ANKRD6: variants seen among roughly 807,000 people sequenced by gnomAD.
The protein encoded by ANKRD6 is ankyrin repeat domain 6.
ANKRD6 carries 56 observed loss-of-function variants against 82.3 expected under a neutral mutation model. The observed-to-expected ratio is 0.68, with a 90% confidence interval of 0.55 to 0.85. The LOEUF is 0.85. Among genes scored for constraint, ANKRD6 ranks in the 40% least tolerant of loss-of-function variants. The pLI is 0.00. For missense variants in ANKRD6, 852 were observed against 907.6 expected, an observed-to-expected ratio of 0.94 and a Z score of 0.79; for synonymous variants, 347 against 352.1, an observed-to-expected ratio of 0.99 and a Z score of 0.16.
At chr6:89,507,958 T>TC (rs1238999462) in intron 1 of ANKRD6, among the ~76,000 whole-genome samples, 1 of 152,068 alleles carries the variant, frequency 6.6e-6, no homozygotes, top group Non-Finnish European at 1.5e-5. Flanking sequence ...CCTACACTTT[T>TC]CCCCCCAAGT....
At chr6:89,468,259 T>G (rs1775066046) in intron 1 of ANKRD6, among the ~76,000 whole-genome samples, 1 of 152,184 alleles carries the variant, frequency 6.6e-6, no homozygotes, top group Admixed American at 6.5e-5. Flanking sequence ...TTTTTTCACT[T>G]GACATTTAAT....
chr6:89,491,901 G>C (rs377033000), intron 1 of ANKRD6, among the ~76,000 whole-genome samples: 1 of 152,070 alleles, frequency 6.6e-6, no homozygotes, highest in Admixed American at 6.6e-5. Context: ...CAAACAGGTC[G>C]TGCTGTGTTT....
rs532002977 is a variant in ANKRD6, at chr6:89,541,139, A to AT, written c.-143-25686dup. Among the ~76,000 whole-genome samples the AT allele has an allele frequency of 3.4e-3, 516 of 150,882 alleles. 4 individuals carry two copies. Among genetic ancestry groups the AT allele is most frequent in the African/African-American group, 0.012 (478 of 41,132 alleles). ...TTTGTGGTTCCGTATAAATTTTAGG[A>AT]TTTTTTTTTCTATTTCTGTGAAGAA... On this transcript the variant is annotated intron_variant, in intron 1 of 15. Coordinates refer to ENST00000339746, the MANE Select transcript of ANKRD6 (RefSeq NM_001242809.2).
At chr6:89,610,803 T>TAAAA (rs56775209) in intron 5 of ANKRD6, among the ~76,000 whole-genome samples, 40 of 143,804 alleles carry the variant, frequency 2.8e-4, no homozygotes, top group Middle Eastern at 3.6e-3. Context: ...AAACAAAACT[T>TAAAA]AAAAAAAAAA....
chr6:89,452,393 A>G (rs1772945156), intron 1 of ANKRD6, among the ~76,000 whole-genome samples: 1 of 152,232 alleles, frequency 6.6e-6, no homozygotes, highest in Non-Finnish European at 1.5e-5. Context: ...GCTATTCGAT[A>G]TTTAAGTGAG....
chr6:89,566,783 G>A (rs959533309), intron 1 of ANKRD6, 51 bp from the exon 2 acceptor site: 10 of 632,728 alleles, frequency 1.6e-5, no homozygotes, highest in African/African-American at 1.3e-4. Flanking sequence ...GGTGTGACCT[G>A]TCCTTGTGTG....
chr6:89,529,437 G>A (rs1046050257), intron 1 of ANKRD6, among the ~76,000 whole-genome samples: 1 of 151,982 alleles, frequency 6.6e-6, no homozygotes, highest in African/African-American at 2.4e-5. Context: ...CTGTGCTCTG[G>A]ATTAGGTTTG....
intron 1 of ANKRD6, among the ~76,000 whole-genome samples, chr6:89,526,716 T>C (rs1428382403): frequency 1.3e-5 from 2 of 152,160 alleles, no homozygotes; most frequent in Non-Finnish European, 2.9e-5. Flanking sequence ...AGTCCCATGA[T>C]CTGCCATCTG....
At chr6:89,559,377 T>C (rs1175775691) in intron 1 of ANKRD6, among the ~76,000 whole-genome samples, 1 of 152,166 alleles carries the variant, frequency 6.6e-6, no homozygotes, top group Non-Finnish European at 1.5e-5. Flanking sequence ...GTGAAAACTT[T>C]CCTGACCTCC....
chr6:89,445,366 G>A (rs923189978), intron 1 of ANKRD6, among the ~76,000 whole-genome samples: 1 of 148,980 alleles, frequency 6.7e-6, no homozygotes, highest in Non-Finnish European at 1.5e-5. Context: ...CACCTCCCAG[G>A]TTCAAGTGAT....
chr6:89,626,920 G>A (rs1805873951), intron 13 of ANKRD6, among the ~76,000 whole-genome samples: 2 of 152,176 alleles, frequency 1.3e-5, no homozygotes, highest in South Asian at 2.1e-4. Flanking sequence ...TGCAAGAGCC[G>A]GATAAAAGCT....
chr6:89,487,399 T>G (rs368105982), intron 1 of ANKRD6, among the ~76,000 whole-genome samples: 8 of 152,220 alleles, frequency 5.3e-5, no homozygotes, highest in African/African-American at 1.9e-4. Context: ...ATTTTTAAAA[T>G]GTGGAATTTC....
At chr6:89,529,740 C>G (rs1782915953) in intron 1 of ANKRD6, among the ~76,000 whole-genome samples, 1 of 152,164 alleles carries the variant, frequency 6.6e-6, no homozygotes, top group Admixed American at 6.5e-5. Flanking sequence ...ATGGTTATCA[C>G]TTGGCCTAGT....
chr6:89,447,108 G>A (rs1453191778), intron 1 of ANKRD6, among the ~76,000 whole-genome samples: 3 of 152,102 alleles, frequency 2.0e-5, no homozygotes, highest in East Asian at 3.9e-4. Context: ...TAAAAAATTA[G>A]CAGGGCATGG....
At chr6:89,515,837 T>C (rs1207811584) in intron 1 of ANKRD6, among the ~76,000 whole-genome samples, 2 of 152,164 alleles carry the variant, frequency 1.3e-5, no homozygotes, top group African/African-American at 4.8e-5. Context: ...GGACCCTAAG[T>C]GCAATCACAT....
At chr6:89,483,857 T>C (rs1777066806) in intron 1 of ANKRD6, among the ~76,000 whole-genome samples, 1 of 152,228 alleles carries the variant, frequency 6.6e-6, no homozygotes, top group South Asian at 2.1e-4. Context: ...TTCTGAAGGA[T>C]AATTTTATTT....
intron 1 of ANKRD6, among the ~76,000 whole-genome samples, chr6:89,477,790 A>T (rs1461657078): frequency 1.3e-5 from 2 of 151,008 alleles, no homozygotes; most frequent in African/African-American, 4.9e-5. Context: ...AAAAAAAAAG[A>T]ATTCTTTTTC....
intron 9 of ANKRD6, chr6:89,618,346 G>A (rs1802138890): frequency 3.3e-6 from 2 of 610,388 alleles, no homozygotes; most frequent in East Asian, 5.5e-5. Flanking sequence ...GCAGGACAGG[G>A]CCATGATTGC....
At chr6:89,478,780 ATACTT>A (rs1371274229) in intron 1 of ANKRD6, among the ~76,000 whole-genome samples, 2 of 151,610 alleles carry the variant, frequency 1.3e-5, no homozygotes, top group East Asian at 3.9e-4. Context: ...AAGAGGAAAA[ATACTT>A]AATTAAAAAA....
Sources: gnomAD v4.1 joint callset for allele counts (sites outside exome capture counted in the v4.1 genomes callset) on GRCh38, gnomAD v4.1.1 for gene constraint, MANE v1.5 for transcripts, NCBI Gene and HGNC (gene_info 2026-07-23, HGNC 2026-07-21) for gene names.